The following NRG3 variants were observed in gnomAD, a reference collection of about 807,000 sequenced individuals.
NRG3 encodes the protein neuregulin 3.
A neutral mutation model predicts 66.9 loss-of-function variants in NRG3; 31 were observed. That is an observed-to-expected ratio of 0.46 (90% CI 0.35 to 0.63). The LOEUF (loss-of-function observed/expected upper bound fraction) is 0.63, where lower values mean the gene tolerates loss of function less well. Among genes scored for constraint, NRG3 ranks in the 20% least tolerant of loss-of-function variants. NRG3 has a pLI of 0.00. For synonymous variants in NRG3, 393 were observed against 359.4 expected (o/e 1.09, Z -1.06); for missense variants, 910 against 878.9 (o/e 1.04, Z -0.45).
intron 2 of NRG3, among the ~76,000 whole-genome samples, chr10:82,399,514 G>A (rs541149196): frequency 6.6e-6 from 1 of 152,306 alleles, no homozygotes; most frequent in African/African-American, 2.4e-5. Flanking sequence ...GTTCTGGAGA[G>A]TGGATCCCTG....
chr10:81,903,994 AT>A (rs1476533342), intron 1 of NRG3, among the ~76,000 whole-genome samples: 1,343 of 103,472 alleles, frequency 0.013, 27 homozygotes, highest in African/African-American at 0.045. Context: ...ATATATATAT[AT>A]ATTTTTTTTT....
intron 2 of NRG3, among the ~76,000 whole-genome samples, chr10:82,522,125 C>A (rs1454569237): frequency 1.3e-5 from 2 of 149,462 alleles, no homozygotes; most frequent in Non-Finnish European, 3.0e-5. Context: ...CTCACTGCAA[C>A]CTCCACCCAC....
chr10:82,268,759 A>G (rs2078436475), intron 1 of NRG3, among the ~76,000 whole-genome samples: 1 of 151,870 alleles, frequency 6.6e-6, no homozygotes. Context: ...CCAGGGATTG[A>G]TTTCAGTGTT....
intron 1 of NRG3, among the ~76,000 whole-genome samples, chr10:82,124,745 T>C (rs1469905993): frequency 6.6e-6 from 1 of 150,892 alleles, no homozygotes; most frequent in Non-Finnish European, 1.5e-5. Context: ...AAAAAAAAAG[T>C]TTAACAAGTT....
At chr10:81,922,299 G>T (rs1404180149) in intron 1 of NRG3, among the ~76,000 whole-genome samples, 1 of 152,120 alleles carries the variant, frequency 6.6e-6, no homozygotes, top group East Asian at 1.9e-4. Context: ...AATAACACAA[G>T]TGCAGTTTTG....
At chr10:82,440,501 G>A (rs2090381625) in intron 2 of NRG3, among the ~76,000 whole-genome samples, 2 of 149,874 alleles carry the variant, frequency 1.3e-5, no homozygotes, top group Admixed American at 6.7e-5. Context: ...GATGTTTCCT[G>A]TGTCTCGGAG....
At chr10:82,770,972 T>C (rs949284892) in intron 3 of NRG3, among the ~76,000 whole-genome samples, 5 of 151,992 alleles carry the variant, frequency 3.3e-5, no homozygotes, top group Admixed American at 1.3e-4. Context: ...TCCCTGAGAG[T>C]TGGTTTAGCA....
At chr10:82,189,232 A>C (rs1362355647) in intron 1 of NRG3, among the ~76,000 whole-genome samples, 1 of 152,184 alleles carries the variant, frequency 6.6e-6, no homozygotes, top group Non-Finnish European at 1.5e-5. Flanking sequence ...TCTGTGCCTG[A>C]ATAGTTTTGA....
chr10:82,200,048 A>G (rs963238184), intron 1 of NRG3, among the ~76,000 whole-genome samples: 1 of 152,132 alleles, frequency 6.6e-6, no homozygotes, highest in Non-Finnish European at 1.5e-5. Context: ...TAGGGTTGTC[A>G]TAAGGGTTAA....
chr10:82,346,482 GA>G (rs1353166892), intron 1 of NRG3, among the ~76,000 whole-genome samples: 3 of 150,104 alleles, frequency 2.0e-5, no homozygotes, highest in Non-Finnish European at 3.0e-5. Context: ...TTTTATTGAG[GA>G]TTTTTGCATC....
intron 1 of NRG3, among the ~76,000 whole-genome samples, chr10:81,907,598 C>A (rs2132712394): frequency 6.6e-6 from 1 of 152,182 alleles, no homozygotes. Flanking sequence ...TGAAACTATC[C>A]CTAAAGGAGC....
intron 3 of NRG3, among the ~76,000 whole-genome samples, chr10:82,828,725 A>G (rs1467364164): frequency 6.6e-6 from 1 of 152,220 alleles, no homozygotes; most frequent in Non-Finnish European, 1.5e-5. Context: ...GAAAGCTTAT[A>G]TGAGGCTACA....
chr10:82,566,023 T>G (rs567165014), intron 2 of NRG3, among the ~76,000 whole-genome samples: 1 of 152,190 alleles, frequency 6.6e-6, no homozygotes, highest in Admixed American at 6.6e-5. Context: ...AGTGACTTAG[T>G]TTCGTCTTCC....
chr10:82,088,889 A>T (rs1367511262), intron 1 of NRG3, among the ~76,000 whole-genome samples: 1 of 152,134 alleles, frequency 6.6e-6, no homozygotes, highest in Non-Finnish European at 1.5e-5. Context: ...TTTGTTTTGT[A>T]ATATGCCCTT....
chr10:82,916,637 T>C (rs1456849231), intron 4 of NRG3, among the ~76,000 whole-genome samples: 1 of 152,148 alleles, frequency 6.6e-6, no homozygotes, highest in Non-Finnish European at 1.5e-5. Flanking sequence ...TACATTTTTT[T>C]TTTTTTTGAG....
chr10:82,246,925 G>C (rs1460671329), intron 1 of NRG3, among the ~76,000 whole-genome samples: 1 of 152,128 alleles, frequency 6.6e-6, no homozygotes, highest in Admixed American at 6.6e-5. Context: ...GGCTACATAA[G>C]AGAACTGTTA....
At chr10:81,894,267 G>A (rs1325083290) in intron 1 of NRG3, among the ~76,000 whole-genome samples, 1 of 152,134 alleles carries the variant, frequency 6.6e-6, no homozygotes, top group Non-Finnish European at 1.5e-5. Context: ...CTTGAACCCA[G>A]GAGGCAGAGG....
chr10:82,899,798 T>A (rs1844032564), intron 4 of NRG3, among the ~76,000 whole-genome samples: 1 of 152,116 alleles, frequency 6.6e-6, no homozygotes, highest in African/African-American at 2.4e-5. Context: ...AAATTAGACA[T>A]CCTCAAGTAC....
chr10:81,980,047 G>T (rs1442049361), intron 1 of NRG3, among the ~76,000 whole-genome samples: 1 of 152,142 alleles, frequency 6.6e-6, no homozygotes, highest in Non-Finnish European at 1.5e-5. Context: ...CGCCTTTCAT[G>T]GTGTTTCACA....
Sources: gnomAD v4.1 joint callset for allele counts (sites outside exome capture counted in the v4.1 genomes callset) on GRCh38, gnomAD v4.1.1 for gene constraint, MANE v1.5 for transcripts, NCBI Gene and HGNC (gene_info 2026-07-23, HGNC 2026-07-21) for gene names.